Variants in KCNMB4 observed in about 807,000 individuals in gnomAD.
KCNMB4 encodes calcium-activated potassium channel subunit beta-4.
A neutral mutation model predicts 20.7 loss-of-function variants in KCNMB4; 3 were observed. The observed-to-expected ratio is 0.14, with a 90% CI of 0.07 to 0.37. The LOEUF is 0.37. Ranked by LOEUF, KCNMB4 falls within the 10% of genes least tolerant of loss-of-function variation. The probability of loss-of-function intolerance (pLI) is 1.00; values close to 1 mark genes in which losing one functional copy is unlikely to be tolerated. For synonymous variants in KCNMB4, 110 were observed against 113.4 expected, an observed-to-expected ratio of 0.97 and a Z score of 0.19; for missense variants, 168 against 265.9, an observed-to-expected ratio of 0.63 and a Z score of 2.56.
Position 70,371,180 on chromosome 12 carries a change from T to G in KCNMB4, c.336+4110T>G, listed in dbSNP as rs1056781520. 4.6e-5 allele frequency among the ~76,000 whole-genome samples: 7 copies of G among 151,598 alleles called. No individual in the cohort carries two copies. In the East Asian group the frequency reaches 7.7e-4, roughly 17 times the overall value. ...TCTATATGTTTATTTTTATTTTGAG[T>G]TTTTTTTTCCCCTTCCTCTAATAAT... On this transcript the variant is annotated intron_variant, in intron 1 of 2. Coordinates refer to ENST00000258111, the MANE Select transcript of KCNMB4 (RefSeq NM_014505.6).
rs1274385191 is a variant in KCNMB4, at chr12:70,433,130, T to G, written c.*2477T>G. The G allele has an allele frequency of 6.6e-6, 1 of 152,068 alleles. No homozygotes were observed. Among genetic ancestry groups the G allele is most frequent in the Non-Finnish European group, 1.5e-5 (1 of 68,016 alleles). 9.4% of individuals were successfully genotyped at this position (152,068 alleles called of 1,614,324 possible). A position where few individuals can be genotyped will look rare whatever the true frequency, so the allele number is the denominator to read the frequency against. Reference sequence around the variant, plus strand: ...ATTTGAAGCACCTTATTTATACTTGTTAAAGGTAAAACCCAAAAGAACAAG... The same window carrying G: ...ATTTGAAGCACCTTATTTATACTTGGTAAAGGTAAAACCCAAAAGAACAAG... On this transcript the variant is annotated 3_prime_UTR_variant, in exon 3 of 3. Transcript: ENST00000258111.
chr12:70,390,416 A>T (rs1047987652), intron 1 of KCNMB4, among the ~76,000 whole-genome samples: 1 of 152,254 alleles, frequency 6.6e-6, no homozygotes, highest in East Asian at 1.9e-4. Flanking sequence ...ATGTTCAGGC[A>T]TTCAGACCCT....
At chr12:70,379,287 ATCT>A (rs1167510795) in intron 1 of KCNMB4, among the ~76,000 whole-genome samples, 3 of 152,294 alleles carry the variant, frequency 2.0e-5, no homozygotes, top group South Asian at 2.1e-4. Context: ...AAAGTCCTAG[ATCT>A]TCTTCCAATA....
Position 70,392,182 on chromosome 12 carries a change from T to C in KCNMB4, c.337-8027T>C, listed in dbSNP as rs557014302. Among the ~76,000 whole-genome samples the C allele has an allele frequency of 4.6e-5, 7 of 152,342 alleles. No individual in the cohort carries two copies. In the South Asian group the frequency reaches 1.4e-3, roughly 32 times the overall value. On this transcript the variant is annotated intron_variant, in intron 1 of 2. Coordinates refer to ENST00000258111, the MANE Select transcript of KCNMB4 (RefSeq NM_014505.6). ...CCATCAATGAAGCCATCTGAATGTGTGCATGAACATTTAAGAAAGTTTTAT... is the reference window on the plus strand; with the variant it reads ...CCATCAATGAAGCCATCTGAATGTGCGCATGAACATTTAAGAAAGTTTTAT...
At chr12:70,385,158 A>G (rs1868248069) in intron 1 of KCNMB4, among the ~76,000 whole-genome samples, 1 of 152,218 alleles carries the variant, frequency 6.6e-6, no homozygotes, top group South Asian at 2.1e-4. Flanking sequence ...GGACTTTGTC[A>G]CAAACTTCAG....
intron 2 of KCNMB4, 134 bp downstream of exon 2, chr12:70,400,470 AC>A: frequency 3.4e-6 from 3 of 872,732 alleles, no homozygotes; most frequent in South Asian, 4.1e-5. Context: ...AATTAGGGAA[AC>A]CCATATAATG....
At chr12:70,376,300 C>T (rs1883685957) in intron 1 of KCNMB4, among the ~76,000 whole-genome samples, 1 of 151,872 alleles carries the variant, frequency 6.6e-6, no homozygotes, top group Non-Finnish European at 1.5e-5. Flanking sequence ...CGAGGATGTC[C>T]ACTCTTACCA....
At chr12:70,429,789 G>A (rs1167557666) in intron 2 of KCNMB4, among the ~76,000 whole-genome samples, 1 of 152,096 alleles carries the variant, frequency 6.6e-6, no homozygotes, top group South Asian at 2.1e-4. Context: ...GACCAATGCA[G>A]GAATTGAAAA....
intron 2 of KCNMB4, among the ~76,000 whole-genome samples, chr12:70,406,700 A>T (rs967171003): frequency 2.6e-5 from 4 of 152,036 alleles, no homozygotes; most frequent in Admixed American, 2.6e-4. Flanking sequence ...CTAGCTGGTG[A>T]CCATGTTGAT....
At chr12:70,377,573 G>A (rs1233516791) in intron 1 of KCNMB4, among the ~76,000 whole-genome samples, 2 of 152,170 alleles carry the variant, frequency 1.3e-5, no homozygotes, top group East Asian at 1.9e-4. Context: ...TGAGGTGGCT[G>A]TGGAAATTAC....
At chr12:70,390,008 A>G (rs1186593849) in intron 1 of KCNMB4, among the ~76,000 whole-genome samples, 1 of 152,252 alleles carries the variant, frequency 6.6e-6, no homozygotes, top group Admixed American at 6.5e-5. Context: ...TTTGTTAACC[A>G]GTGTCCATAA....
intron 2 of KCNMB4, among the ~76,000 whole-genome samples, chr12:70,401,633 A>C (rs541431899): frequency 3.0e-5 from 4 of 134,206 alleles, no homozygotes; most frequent in East Asian, 2.2e-4. Flanking sequence ...TACAGCAATG[A>C]CACTTTTTTT....
intron 2 of KCNMB4, 38 bp downstream of exon 2, chr12:70,400,374 G>A (rs377162080): frequency 1.1e-4 from 167 of 1,582,622 alleles, no homozygotes; most frequent in Non-Finnish European, 1.4e-4. Context: ...AAAATTGTTT[G>A]TAGACTCTGC....
chr12:70,404,895 T>C (rs1051981336), intron 2 of KCNMB4, among the ~76,000 whole-genome samples: 1 of 152,182 alleles, frequency 6.6e-6, no homozygotes, highest in African/African-American at 2.4e-5. Context: ...CAAGCTGTAG[T>C]TGAAGCGAAG....
At chr12:70,395,915 A>G (rs1182891948) in intron 1 of KCNMB4, among the ~76,000 whole-genome samples, 1 of 152,240 alleles carries the variant, frequency 6.6e-6, no homozygotes, top group East Asian at 1.9e-4. Context: ...ATTGTCCTCC[A>G]TGACCAAAGG....
intron 1 of KCNMB4, among the ~76,000 whole-genome samples, chr12:70,399,198 T>C (rs140165987): frequency 6.6e-6 from 1 of 152,332 alleles, no homozygotes; most frequent in Non-Finnish European, 1.5e-5. Context: ...TGTTGAATAA[T>C]TGTATGCTGT....
chr12:70,372,736 T>C (rs1883619754), intron 1 of KCNMB4, among the ~76,000 whole-genome samples: 1 of 152,118 alleles, frequency 6.6e-6, no homozygotes, highest in Non-Finnish European at 1.5e-5. Flanking sequence ...TCAAGGAAAT[T>C]ATTACCTAGC....
intron 1 of KCNMB4, among the ~76,000 whole-genome samples, chr12:70,394,854 A>T (rs1868337488): frequency 6.6e-6 from 1 of 152,084 alleles, no homozygotes; most frequent in African/African-American, 2.4e-5. Context: ...CTTTGTAAAG[A>T]TGAGATCTCA....
At chr12:70,368,363 A>G (rs1167939950) in intron 1 of KCNMB4, among the ~76,000 whole-genome samples, 1 of 152,100 alleles carries the variant, frequency 6.6e-6, no homozygotes, top group Non-Finnish European at 1.5e-5. Context: ...TTTTAAAAAT[A>G]TGAATGACTC....
Sources: allele counts gnomAD v4.1 joint callset (sites outside exome capture counted in the v4.1 genomes callset), GRCh38; gene constraint gnomAD v4.1.1; transcripts MANE v1.5; gene names NCBI Gene and HGNC (gene_info 2026-07-23, HGNC 2026-07-21).